UPF2: variants seen among roughly 807,000 people sequenced by gnomAD.
UPF2 encodes UPF2 regulator of nonsense mediated mRNA decay.
Under a neutral mutation model 141.4 loss-of-function variants are expected in UPF2, and 17 were observed. The ratio of observed to expected loss-of-function variants is 0.12; its 90% CI spans 0.08 to 0.18. The LOEUF (loss-of-function observed/expected upper bound fraction) is 0.18, where lower values mean the gene tolerates loss of function less well. Among genes scored for constraint, UPF2 ranks in the 10% least tolerant of loss-of-function variants. The probability of loss-of-function intolerance (pLI) is 1.00; values close to 1 mark genes in which losing one functional copy is unlikely to be tolerated. For synonymous variants in UPF2, 540 were observed against 498.0 expected (o/e 1.08, Z -1.12); for missense variants, 1,152 against 1,515.9 (o/e 0.76, Z 3.99).
At chr10:11,996,279 A>C (rs1833863005) in intron 8 of UPF2, among the ~76,000 whole-genome samples, 1 of 152,086 alleles carries the variant, frequency 6.6e-6, no homozygotes. Context: ...TAAGACTACG[A>C]GATCTATTTC....
chr10:12,020,350 C>T (rs1834296500), intron 3 of UPF2, among the ~76,000 whole-genome samples: 1 of 151,904 alleles, frequency 6.6e-6, no homozygotes, highest in South Asian at 2.1e-4. Flanking sequence ...CTCCCGGGTT[C>T]AAGCCATTCT....
intron 10 of UPF2, among the ~76,000 whole-genome samples, chr10:11,964,447 T>C (rs150165187): frequency 9.9e-4 from 151 of 152,334 alleles, no homozygotes; most frequent in African/African-American, 3.5e-3. Context: ...TTGGTCTATA[T>C]ATTTATTTTC....
In UPF2 at chr10:11,920,470, CTTCG is replaced by C. The variant is rs1403223735; in HGVS notation, c.*824_*827del. ...ATATTCTCATCCACTTCTTGTTGTC[CTTCG>C]TTCGTTTTCTGTGACATGTTGACGG... On this transcript the variant is annotated 3_prime_UTR_variant, in exon 22 of 22. Transcript: ENST00000357604. 1.3e-5 allele frequency: 2 copies of C among 152,516 alleles called. No individual in the cohort carries two copies. The highest frequency in any genetic ancestry group is 2.1e-4 in the South Asian group (1 of 4,844). 9.4% of individuals were successfully genotyped at this position (152,516 alleles called of 1,614,324 possible). A position where few individuals can be genotyped will look rare whatever the true frequency, so the allele number is the denominator to read the frequency against.
chr10:11,986,303 T>C (rs1236048968), intron 8 of UPF2, among the ~76,000 whole-genome samples: 1 of 152,156 alleles, frequency 6.6e-6, no homozygotes, highest in African/African-American at 2.4e-5. Flanking sequence ...TAATAAAATC[T>C]TGTTTATGTT....
At chr10:11,954,663 C>CAT (rs1194650405) in intron 14 of UPF2, among the ~76,000 whole-genome samples, 1 of 139,664 alleles carries the variant, frequency 7.2e-6, no homozygotes, top group African/African-American at 2.6e-5. Flanking sequence ...TATATATATA[C>CAT]ATATATATAT....
chr10:11,974,715 C>G (rs940213533), intron 9 of UPF2, among the ~76,000 whole-genome samples: 21 of 152,088 alleles, frequency 1.4e-4, no homozygotes, highest in Non-Finnish European at 2.6e-4. Context: ...GCCTTGCATC[C>G]CAGGGATGAA....
intron 4 of UPF2, among the ~76,000 whole-genome samples, chr10:12,010,032 C>T (rs1834101296): frequency 6.6e-6 from 1 of 152,146 alleles, no homozygotes; most frequent in Admixed American, 6.6e-5. Flanking sequence ...TATGACTCTA[C>T]TTTATCAGAA....
Position 12,004,519 on chromosome 10 carries a change from C to T in UPF2, c.1504+11G>A, listed in dbSNP as rs1167271865. ...AGCACTTAATGTAAATATTTTTTCT[C>T]TAGAATTTACCTTTGGTATCATCTT... On this transcript the variant is annotated intron_variant, in intron 5 of 21. Coordinates refer to ENST00000357604, the MANE Select transcript of UPF2 (RefSeq NM_015542.4). 1 of 1,590,898 alleles carries T rather than the reference C, an allele frequency of 6.3e-7. No homozygotes were observed.
chr10:11,980,160 C>T lies in UPF2; in HGVS notation c.1845-995G>A, dbSNP rs916039121. ...CCAGAATCCTGCCTAGCACAGCACT[C>T]CAGGTGGCCACTACTAGTTGGAATC... On this transcript the variant is annotated intron_variant, in intron 8 of 21. Transcript: ENST00000357604. The surrounding 1 kb of genome is among the most constrained non-coding windows in gnomAD (Gnocchi z 4.2). Among the ~76,000 whole-genome samples, 1 of 152,134 alleles carries T rather than the reference C, an allele frequency of 6.6e-6. No individual in the cohort carries two copies. Among genetic ancestry groups the T allele is most frequent in the Non-Finnish European group, 1.5e-5 (1 of 68,016 alleles).
intron 18 of UPF2, among the ~76,000 whole-genome samples, chr10:11,942,191 C>T (rs12414375): frequency 0.06 from 9,099 of 152,060 alleles, 337 homozygotes; most frequent in Non-Finnish European, 0.085. Context: ...CTGGCCAACA[C>T]GGTAAAACGC....
At chr10:12,020,692 AATTCACTATATG>A (rs1834302474) in intron 3 of UPF2, among the ~76,000 whole-genome samples, 1 of 152,206 alleles carries the variant, frequency 6.6e-6, no homozygotes, top group Non-Finnish European at 1.5e-5. Context: ...TACACATATG[AATTCACTATATG>A]ATTCACATTT....
At position 11,993,884 on chromosome 10, in the gene UPF2, G is replaced by A. The variant is rs569369793; in HGVS notation, c.1844+3788C>T. ...CATGCCTGTGGTCCCGGCTACTTGC[G>A]AGGCTAACGTGAAAGGATTGCTAGA... On this transcript the variant is annotated intron_variant, in intron 8 of 21. Coordinates refer to ENST00000357604, the MANE Select transcript of UPF2 (RefSeq NM_015542.4). Among the ~76,000 whole-genome samples the A allele has an allele frequency of 2.6e-5, 4 of 152,138 alleles. No individual in the cohort carries two copies. The East Asian group carries it at 5.8e-4, about 22-fold the overall frequency.
intron 9 of UPF2, among the ~76,000 whole-genome samples, chr10:11,968,362 T>C (rs1282037028): frequency 6.6e-6 from 1 of 152,150 alleles, no homozygotes; most frequent in African/African-American, 2.4e-5. Context: ...TAAGTCAATG[T>C]TTTTCAAATT....
intron 8 of UPF2, among the ~76,000 whole-genome samples, chr10:11,983,694 C>G (rs187920519): frequency 2.9e-4 from 44 of 151,968 alleles, no homozygotes; most frequent in African/African-American, 1.0e-3. Context: ...TTTTAATATA[C>G]TATGTATTAA....
rs111634002 is a variant in UPF2, at chr10:11,980,594, G to A, written c.1845-1429C>T. 2.0e-4 allele frequency among the ~76,000 whole-genome samples: 31 copies of A among 152,084 alleles called. No homozygotes were observed. The East Asian group carries it at 2.1e-3, about 10-fold the overall frequency. The stretch of plus-strand genomic sequence containing the variant: ...CCAAAAATATAAAAATTAGCTGGGC[G>A]TGGTGACAGATGCCTGCAATCCCAG... On this transcript the variant is annotated intron_variant, in intron 8 of 21. Transcript: ENST00000357604. The surrounding 1 kb of genome is among the most constrained non-coding windows in gnomAD (Gnocchi z 4.2).
intron 18 of UPF2, among the ~76,000 whole-genome samples, chr10:11,937,325 C>T (rs1222826661): frequency 6.6e-6 from 1 of 152,164 alleles, no homozygotes; most frequent in African/African-American, 2.4e-5. Context: ...AAATACTTAG[C>T]CTCTACACTC....
chr10:11,939,001 T>C lies in UPF2; in HGVS notation c.3379-2289A>G, dbSNP rs1374770061. ...GATTATCCTGTCTCAGCCTCCCAAGTAGCTGGGACTACAGGCACCCACCAC... is the reference window on the plus strand; with the variant it reads ...GATTATCCTGTCTCAGCCTCCCAAGCAGCTGGGACTACAGGCACCCACCAC... On this transcript the variant is annotated intron_variant, in intron 18 of 21. Coordinates refer to ENST00000357604, the MANE Select transcript of UPF2 (RefSeq NM_015542.4). This position sits in a 1 kb window ranked among gnomAD's most constrained non-coding sequence, Gnocchi z 4.8. Among the ~76,000 whole-genome samples, 8 of 151,728 alleles carry C rather than the reference T, an allele frequency of 5.3e-5. No homozygotes were observed. Among genetic ancestry groups the C allele is most frequent in the South Asian group, 4.2e-4 (2 of 4,782 alleles).
chr10:11,948,636 A>G (rs1301742307), intron 15 of UPF2, 128 bp from the exon 16 acceptor site: 3 of 1,084,832 alleles, frequency 2.8e-6, no homozygotes, highest in African/African-American at 1.6e-5. Flanking sequence ...AACAAAGGTA[A>G]AAGAATTAAA....
chr10:12,027,104 G>C (rs1209417414), intron 3 of UPF2, among the ~76,000 whole-genome samples: 1 of 152,118 alleles, frequency 6.6e-6, no homozygotes, highest in Non-Finnish European at 1.5e-5. Context: ...GAATCATTTT[G>C]TGGGAAGTTA....
Sources: allele counts gnomAD v4.1 joint callset (sites outside exome capture counted in the v4.1 genomes callset), GRCh38; gene constraint gnomAD v4.1.1; non-coding constraint Gnocchi (gnomAD v3.1); transcripts MANE v1.5; gene names NCBI Gene and HGNC (gene_info 2026-07-23, HGNC 2026-07-21).